NPHP4: variants seen among roughly 807,000 people sequenced by gnomAD.
NPHP4 encodes the protein nephrocystin 4.
NPHP4 carries 151 observed loss-of-function variants against 155.8 expected under a neutral mutation model. The ratio of observed to expected loss-of-function variants is 0.97; its 90% CI spans 0.85 to 1.11. NPHP4 has a LOEUF of 1.11. Ranked by LOEUF, NPHP4 falls within the 50% of genes least tolerant of loss-of-function variation. The pLI, the probability that NPHP4 is intolerant of heterozygous loss-of-function variation, is 0.00. For missense variants in NPHP4, 1,956 were observed against 1,925.7 expected (o/e 1.02, Z -0.29); for synonymous variants, 845 against 816.8 (o/e 1.03, Z -0.59).
At chr1:5,907,035 G>A in intron 13 of NPHP4, 80 bp downstream of exon 13, 2 of 745,210 alleles carry the variant, frequency 2.7e-6, no homozygotes, top group Non-Finnish European at 4.2e-6. Context: ...CTAAGGACAG[G>A]CACAGTGCAA....
chr1:5,946,084 G>A (rs6676029), intron 9 of NPHP4, among the ~76,000 whole-genome samples: 25,977 of 152,144 alleles, frequency 0.17, 2,290 homozygotes, highest in African/African-American at 0.21. Context: ...TTTATAAACT[G>A]TGTCATAGGT....
chr1:5,978,559 AG>A lies in NPHP4; in HGVS notation c.136-147del. 4 of 740,354 alleles carry A rather than the reference AG, an allele frequency of 5.4e-6. No individual in the cohort carries two copies. The South Asian group carries it at 7.2e-5, about 13-fold the overall frequency. The allele number at this position is 740,354 out of a possible 1,614,324, so 45.9% of individuals were successfully genotyped here. A position where few individuals can be genotyped will look rare whatever the true frequency, so the allele number is the denominator to read the frequency against. ...TATTGGGAGGCTACCTCTCTCCCACAGCTACTGGTCTTGGTGGGGTTATAAA... is the reference window on the plus strand; with the variant it reads ...TATTGGGAGGCTACCTCTCTCCCACACTACTGGTCTTGGTGGGGTTATAAA... On this transcript the variant is annotated intron_variant, in intron 2 of 29. Coordinates refer to ENST00000378156, the MANE Select transcript of NPHP4 (RefSeq NM_015102.5).
At chr1:5,891,051 G>A (rs754236617) in intron 16 of NPHP4, 23 bp from the exon 17 acceptor site, 1 of 1,472,430 alleles carries the variant, frequency 6.8e-7, no homozygotes. Context: ...CACCAAAGGA[G>A]GCCAAAAGTA....
At chr1:5,909,023 C>T (rs577403886) in intron 12 of NPHP4, 129 bp downstream of exon 12, 3 of 787,806 alleles carry the variant, frequency 3.8e-6, no homozygotes, top group Admixed American at 2.0e-5. Context: ...GCCCCGCCGC[C>T]GCCAGCAGGC....
At chr1:5,925,758 G>A (rs1004488910) in intron 11 of NPHP4, among the ~76,000 whole-genome samples, 1 of 152,080 alleles carries the variant, frequency 6.6e-6, no homozygotes, top group Non-Finnish European at 1.5e-5. Flanking sequence ...TGGGACTACA[G>A]GCGCCCGCCA....
intron 12 of NPHP4, among the ~76,000 whole-genome samples, chr1:5,908,208 A>G (rs1163292020): frequency 1.3e-5 from 2 of 152,170 alleles, no homozygotes; most frequent in Admixed American, 6.5e-5. Flanking sequence ...CTCAGACCCT[A>G]TACGGTATCG....
intron 6 of NPHP4, among the ~76,000 whole-genome samples, chr1:5,958,212 T>C (rs1339152184): frequency 1.3e-5 from 2 of 152,212 alleles, no homozygotes; most frequent in South Asian, 2.1e-4. Flanking sequence ...GGCAAACAAC[T>C]GACAAGCTGC....
chr1:5,962,687 C>A (rs1192465125), intron 5 of NPHP4, among the ~76,000 whole-genome samples: 1 of 152,144 alleles, frequency 6.6e-6, no homozygotes, highest in African/African-American at 2.4e-5. Flanking sequence ...ATCCGAACCA[C>A]GGGACAGATG....
At chr1:5,909,013 G>A (rs1431037871) in intron 12 of NPHP4, 139 bp downstream of exon 12, 4 of 743,288 alleles carry the variant, frequency 5.4e-6, no homozygotes, top group Non-Finnish European at 7.2e-6. Context: ...GGAGGGGACA[G>A]CCCCGCCGCC....
chr1:5,873,789 A>AC, intron 22 of NPHP4: 2 of 259,444 alleles, frequency 7.7e-6, no homozygotes, highest in East Asian at 1.3e-4. Context: ...CTCACACACC[A>AC]CCCCCTGCAC....
chr1:5,905,492 C>G lies in NPHP4; in HGVS notation c.1764-9G>C. 1 of 1,600,276 alleles carries G rather than the reference C, an allele frequency of 6.2e-7. No individual in the cohort carries two copies. The highest frequency in any genetic ancestry group is 8.5e-7 in the Non-Finnish European group (1 of 1,169,754). On this transcript the variant is annotated splice_polypyrimidine_tract_variant and intron_variant, in intron 14 of 29. Transcript: ENST00000378156. The surrounding 1 kb of genome is among the most constrained non-coding windows in gnomAD (Gnocchi z 4.0). ...AGGGCTGCCCTGCAGAGCTGAGACA[C>G]AGAGACTCCTCAGGTAGCCTCCCGG...
intron 7 of NPHP4, among the ~76,000 whole-genome samples, chr1:5,949,611 C>T (rs559099079): frequency 2.6e-5 from 4 of 152,064 alleles, no homozygotes; most frequent in South Asian, 2.1e-4. Context: ...GCTGGAGACA[C>T]GGTGGCAAGG....
At position 5,904,771 on chromosome 1, in the gene NPHP4, T is replaced by C; in HGVS notation, c.1989A>G (p.Pro663=). 6.2e-7 allele frequency: 1 copy of C among 1,614,020 alleles called. No homozygotes were observed. Among genetic ancestry groups the C allele is most frequent in the Non-Finnish European group, 8.5e-7 (1 of 1,179,896 alleles). ...VAQDCRGTSW[P]KTVYFTFQFY... Reference sequence around the variant, plus strand: ...ACTGGAAGGTGAAATACACAGTCTTTGGCCATGATGTTCCTCGGCAGTCCT... The same window carrying C: ...ACTGGAAGGTGAAATACACAGTCTTCGGCCATGATGTTCCTCGGCAGTCCT... Residue 663 remains proline (P), a synonymous_variant, in exon 16 of 30, where the codon CCA becomes CCG. Coordinates refer to ENST00000378156, the MANE Select transcript of NPHP4 (RefSeq NM_015102.5).
chr1:5,946,143 T>C (rs962357504), intron 9 of NPHP4, among the ~76,000 whole-genome samples: 5 of 152,220 alleles, frequency 3.3e-5, no homozygotes, highest in African/African-American at 1.2e-4. Flanking sequence ...GGGTCAGTAC[T>C]ACAGAGGTTT....
Position 5,892,617 on chromosome 1 carries a change from C to G in NPHP4, c.2144-1589G>C, listed in dbSNP as rs186574923. On this transcript the variant is annotated intron_variant, in intron 16 of 29. Coordinates refer to ENST00000378156, the MANE Select transcript of NPHP4 (RefSeq NM_015102.5). The surrounding 1 kb of genome is among the most constrained non-coding windows in gnomAD (Gnocchi z 4.5). ...CCAGCGGGGCACTGGAAGGAGCTCCCCAGGAGACAAGACAGAGGGTCCCAC... is the reference window on the plus strand; with the variant it reads ...CCAGCGGGGCACTGGAAGGAGCTCCGCAGGAGACAAGACAGAGGGTCCCAC... 9.2e-5 allele frequency among the ~76,000 whole-genome samples: 14 copies of G among 152,140 alleles called. 1 individual carries two copies. The highest frequency in any genetic ancestry group is 4.1e-4 in the South Asian group (2 of 4,824).
chr1:5,951,125 T>C (rs1438125436), intron 7 of NPHP4, among the ~76,000 whole-genome samples: 1 of 152,220 alleles, frequency 6.6e-6, no homozygotes, highest in East Asian at 1.9e-4. Context: ...AAGATGTGAT[T>C]AGCACAAAGG....
chr1:5,871,754 G>A (rs1239963874), intron 23 of NPHP4, among the ~76,000 whole-genome samples: 2 of 152,168 alleles, frequency 1.3e-5, no homozygotes, highest in Admixed American at 1.3e-4. Context: ...CTCCAGAGGC[G>A]GAGCACCCCA....
intron 7 of NPHP4, among the ~76,000 whole-genome samples, chr1:5,951,720 T>C (rs1263798995): frequency 1.3e-5 from 2 of 152,214 alleles, no homozygotes; most frequent in Non-Finnish European, 2.9e-5. Context: ...GATTATCGCC[T>C]AGAAAACATA....
rs371527260 is a variant in NPHP4 at position 5,867,795 on chromosome 1, C to A, written c.3417G>T (p.Pro1139=). The change falls in exon 24 of 30, where the codon CCG becomes CCT. Residue 1139 remains proline (P), a synonymous_variant. Transcript: ENST00000378156. The surrounding 1 kb of genome is among the most constrained non-coding windows in gnomAD (Gnocchi z 4.1). ...TGGCCTTCTTCAGGAAGGAGAGCTCCGGGTGATAGAAGCGGAAGACCTGGT... is the reference window on the plus strand; with the variant it reads ...TGGCCTTCTTCAGGAAGGAGAGCTCAGGGTGATAGAAGCGGAAGACCTGGT... ...VVDQVFRFYH[P]ELSFLKKAIR... is the part of the protein sequence containing the mutation. The A allele has an allele frequency of 3.1e-6, 5 of 1,612,724 alleles. No individual in the cohort carries two copies. The African/African-American group carries it at 6.7e-5, about 22-fold the overall frequency.
Sources: allele counts gnomAD v4.1 joint callset (sites outside exome capture counted in the v4.1 genomes callset), GRCh38; gene constraint gnomAD v4.1.1; non-coding constraint Gnocchi (gnomAD v3.1); transcripts MANE v1.5; gene names NCBI Gene and HGNC (gene_info 2026-07-23, HGNC 2026-07-21).